The following PLCL2 variants were observed in gnomAD, a reference collection of about 807,000 sequenced individuals.
PLCL2 encodes the protein phospholipase C like 2, also known as inactive phospholipase C-like protein 2.
Under a neutral mutation model 79.6 loss-of-function variants are expected in PLCL2, and 4 were observed. The ratio of observed to expected loss-of-function variants is 0.05; its 90% CI spans 0.02 to 0.11. The LOEUF is 0.11. Ranked by LOEUF, PLCL2 falls within the 10% of genes least tolerant of loss-of-function variation. The pLI, the probability that PLCL2 is intolerant of heterozygous loss-of-function variation, is 1.00. For missense variants in PLCL2, 895 were observed against 1,291.0 expected (o/e 0.69, Z 4.70); for synonymous variants, 484 against 457.7 (o/e 1.06, Z -0.73).
Position 16,929,977 on chromosome 3 carries a change from T to C in PLCL2, c.327+44611T>C, listed in dbSNP as rs1399589927. Among the ~76,000 whole-genome samples, 2 of 152,104 alleles carry C rather than the reference T, an allele frequency of 1.3e-5. 1 individual carries two copies. Among genetic ancestry groups the C allele is most frequent in the Non-Finnish European group, 2.9e-5 (2 of 68,024 alleles). Reference sequence around the variant, plus strand: ...AGAGAGTCTTGGGAAGACAGAGGCCTCTCTTTTAGACATGGAGAAGTATCG... The same window carrying C: ...AGAGAGTCTTGGGAAGACAGAGGCCCCTCTTTTAGACATGGAGAAGTATCG... On this transcript the variant is annotated intron_variant, in intron 1 of 5. Coordinates refer to ENST00000615277, the MANE Select transcript of PLCL2 (RefSeq NM_001144382.2).
chr3:16,907,431 T>G (rs925727437), intron 1 of PLCL2, among the ~76,000 whole-genome samples: 3 of 152,138 alleles, frequency 2.0e-5, no homozygotes, highest in Non-Finnish European at 4.4e-5. Flanking sequence ...GATACCAGTG[T>G]TGGGTCAGCC....
intron 4 of PLCL2, among the ~76,000 whole-genome samples, chr3:17,061,734 G>A (rs1230192868): frequency 6.6e-6 from 1 of 151,842 alleles, no homozygotes; most frequent in East Asian, 1.9e-4. Flanking sequence ...ATTTTGTATG[G>A]CCATACCAAT....
intron 3 of PLCL2, among the ~76,000 whole-genome samples, chr3:17,025,866 T>A (rs1282158779): frequency 6.6e-6 from 1 of 152,150 alleles, no homozygotes; most frequent in Non-Finnish European, 1.5e-5. Flanking sequence ...GAGATACAAT[T>A]CAGCATTGCC....
At chr3:16,998,848 A>G (rs2064179570) in intron 1 of PLCL2, among the ~76,000 whole-genome samples, 1 of 152,218 alleles carries the variant, frequency 6.6e-6, no homozygotes, top group Non-Finnish European at 1.5e-5. Flanking sequence ...ATTATTTGGA[A>G]CCTTTAACCT....
chr3:16,927,291 G>A (rs2124939821), intron 1 of PLCL2, among the ~76,000 whole-genome samples: 1 of 152,066 alleles, frequency 6.6e-6, no homozygotes, highest in African/African-American at 2.4e-5. Flanking sequence ...TATTTTTCCA[G>A]TGATTGCTCC....
chr3:16,902,441 TATTAAA>T (rs1696645132), intron 1 of PLCL2, among the ~76,000 whole-genome samples: 1 of 152,230 alleles, frequency 6.6e-6, no homozygotes, highest in Non-Finnish European at 1.5e-5. Flanking sequence ...TACATGCTGC[TATTAAA>T]ATTAAACAAG....
intron 1 of PLCL2, among the ~76,000 whole-genome samples, chr3:16,969,895 G>C (rs773657150): frequency 6.6e-6 from 1 of 151,610 alleles, no homozygotes; most frequent in Admixed American, 6.6e-5. Flanking sequence ...AGAGATTCTG[G>C]TATGTTCTAT....
chr3:17,002,632 T>C (rs1469579275), intron 1 of PLCL2, among the ~76,000 whole-genome samples: 3 of 152,170 alleles, frequency 2.0e-5, no homozygotes, highest in Non-Finnish European at 4.4e-5. Flanking sequence ...TTCTTATTCT[T>C]GAGCTGCTTA....
chr3:17,029,137 G>A (rs1034520561), intron 3 of PLCL2, among the ~76,000 whole-genome samples: 3 of 152,074 alleles, frequency 2.0e-5, no homozygotes, highest in Non-Finnish European at 4.4e-5. Flanking sequence ...AAGAAGAGGA[G>A]GATGCCTGAG....
intron 4 of PLCL2, among the ~76,000 whole-genome samples, chr3:17,064,919 ACT>A (rs1343068085): frequency 1.4e-5 from 2 of 142,218 alleles, no homozygotes; most frequent in Admixed American, 7.3e-5. Context: ...GCAGAGTGAG[ACT>A]CTGTCTCAAA....
At chr3:17,045,718 G>A (rs115509254) in intron 4 of PLCL2, among the ~76,000 whole-genome samples, 171 of 152,272 alleles carry the variant, frequency 1.1e-3, no homozygotes, top group African/African-American at 4.0e-3. Flanking sequence ...ACCCAGTGAA[G>A]AGGAAGACAT....
At chr3:16,972,226 G>T (rs953697906) in intron 1 of PLCL2, among the ~76,000 whole-genome samples, 6 of 152,148 alleles carry the variant, frequency 3.9e-5, no homozygotes, top group African/African-American at 1.2e-4. Context: ...GTTAGGAAAA[G>T]AGGAAGTCAA....
At chr3:16,971,023 T>A (rs1270775820) in intron 1 of PLCL2, among the ~76,000 whole-genome samples, 1 of 152,158 alleles carries the variant, frequency 6.6e-6, no homozygotes, top group Non-Finnish European at 1.5e-5. Flanking sequence ...GCCTGTTCAC[T>A]CTGATGGTAG....
intron 1 of PLCL2, among the ~76,000 whole-genome samples, chr3:16,995,148 C>T (rs186408521): frequency 5.9e-5 from 9 of 152,362 alleles, no homozygotes; most frequent in African/African-American, 1.9e-4. Context: ...TTCTTGGGAA[C>T]TTGATCCCCT....
At chr3:16,906,781 T>A (rs1220293058) in intron 1 of PLCL2, among the ~76,000 whole-genome samples, 3 of 152,238 alleles carry the variant, frequency 2.0e-5, no homozygotes, top group Non-Finnish European at 4.4e-5. Context: ...TGAGTAAAAA[T>A]CTATTTTAAA....
At chr3:16,993,499 A>G (rs2064124534) in intron 1 of PLCL2, among the ~76,000 whole-genome samples, 1 of 152,214 alleles carries the variant, frequency 6.6e-6, no homozygotes, top group African/African-American at 2.4e-5. Flanking sequence ...CTGAAGGGTC[A>G]GCTTCAAAAC....
chr3:17,002,029 G>A (rs1294306864), intron 1 of PLCL2, among the ~76,000 whole-genome samples: 1 of 151,996 alleles, frequency 6.6e-6, no homozygotes, highest in Non-Finnish European at 1.5e-5. Flanking sequence ...AGTTTCATTA[G>A]TGCTCTATCA....
chr3:16,920,862 T>G (rs1460497758), intron 1 of PLCL2, among the ~76,000 whole-genome samples: 1 of 152,220 alleles, frequency 6.6e-6, no homozygotes, highest in African/African-American at 2.4e-5. Flanking sequence ...AATCTATAAA[T>G]GTGTTTTGGT....
At chr3:16,922,510 G>GTACTCTTCCTATGCATGTATGCATTTA (rs781668776) in intron 1 of PLCL2, among the ~76,000 whole-genome samples, 2 of 152,044 alleles carry the variant, frequency 1.3e-5, no homozygotes, top group Admixed American at 6.6e-5. Context: ...GTATGCATTT[G>GTACTCTTCCTATGCATGTATGCATTTA]TACTCTTCCT....
Sources: allele counts gnomAD v4.1 joint callset (sites outside exome capture counted in the v4.1 genomes callset), GRCh38; gene constraint gnomAD v4.1.1; transcripts MANE v1.5; gene names NCBI Gene and HGNC (gene_info 2026-07-23, HGNC 2026-07-21).